The following GALNT13 variants were observed in gnomAD, a reference collection of about 807,000 sequenced individuals.
GALNT13 encodes the protein UDP-GalNAc:polypeptide N-acetylgalactosaminyltransferase 13.
GALNT13 carries 28 observed loss-of-function variants against 64.2 expected under a neutral mutation model. The observed-to-expected ratio is 0.44, with a 90% CI of 0.32 to 0.60. The LOEUF is 0.60. Among genes scored for constraint, GALNT13 ranks in the 20% least tolerant of loss-of-function variants. GALNT13 has a pLI of 0.05. For missense variants in GALNT13, 577 were observed against 669.8 expected, an observed-to-expected ratio of 0.86 and a Z score of 1.53; for synonymous variants, 214 against 224.6, an observed-to-expected ratio of 0.95 and a Z score of 0.42.
chr2:153,308,509 C>A, the GALNT13 span, among the ~76,000 whole-genome samples: 1 of 152,308 alleles, frequency 6.6e-6, no homozygotes, highest in South Asian at 2.1e-4. Context: ...AACACTATAA[C>A]AAGCTTCCTT....
At chr2:153,221,357 G>A in the GALNT13 span, among the ~76,000 whole-genome samples, 7 of 152,060 alleles carry the variant, frequency 4.6e-5, no homozygotes, top group Non-Finnish European at 1.0e-4. Flanking sequence ...AATCTATGTC[G>A]TCTAAACCAC....
intron 3 of GALNT13, among the ~76,000 whole-genome samples, chr2:154,061,662 C>G (rs551423322): frequency 3.8e-4 from 58 of 152,258 alleles, no homozygotes; most frequent in African/African-American, 1.3e-3. Context: ...ACCATATCAA[C>G]ATTTCTAGCG....
At chr2:154,315,755 T>C (rs1004154359) in intron 9 of GALNT13, among the ~76,000 whole-genome samples, 1 of 152,280 alleles carries the variant, frequency 6.6e-6, no homozygotes, top group Middle Eastern at 3.4e-3. Context: ...GAAAGACTTA[T>C]TGTTGGTTAC....
intron 3 of GALNT13, among the ~76,000 whole-genome samples, chr2:153,966,872 T>C (rs1298544924): frequency 1.3e-5 from 2 of 152,278 alleles, no homozygotes; most frequent in Non-Finnish European, 2.9e-5. Context: ...TCTTAGATTA[T>C]CCCTTTTGAG....
chr2:153,506,819 G>C, the GALNT13 span, among the ~76,000 whole-genome samples: 19 of 152,126 alleles, frequency 1.2e-4, no homozygotes, highest in Non-Finnish European at 2.1e-4. Context: ...TATGTGCCTA[G>C]GCAATGAACT....
At chr2:153,398,169 G>A in the GALNT13 span, among the ~76,000 whole-genome samples, 34,471 of 149,140 alleles carry the variant, frequency 0.23, 4,522 homozygotes, top group African/African-American at 0.37. Flanking sequence ...GAGAATATAC[G>A]GTGTCTGGTT....
the GALNT13 span, among the ~76,000 whole-genome samples, chr2:153,617,134 T>C: frequency 1.3e-5 from 2 of 152,014 alleles, no homozygotes; most frequent in Non-Finnish European, 2.9e-5. Context: ...GACAACGTTG[T>C]CATGTTCCAG....
At chr2:154,154,934 TTGTGTGTG>T (rs60456139) in intron 4 of GALNT13, among the ~76,000 whole-genome samples, 30,754 of 149,340 alleles carry the variant, frequency 0.21, 3,623 homozygotes, top group Middle Eastern at 0.3. Flanking sequence ...TTGTTTATGT[TTGTGTGTG>T]TGTGTGTGTG....
At chr2:153,566,461 TCTC>T in the GALNT13 span, among the ~76,000 whole-genome samples, 1 of 149,346 alleles carries the variant, frequency 6.7e-6, no homozygotes, top group African/African-American at 2.5e-5. Flanking sequence ...TTCATGCCAT[TCTC>T]CTGCCTCAGC....
chr2:154,404,568 A>G (rs867133625), intron 10 of GALNT13, among the ~76,000 whole-genome samples: 3 of 152,180 alleles, frequency 2.0e-5, no homozygotes, highest in Non-Finnish European at 2.9e-5. Context: ...GATACTCATG[A>G]GAAATTGTTT....
chr2:154,426,759 A>G (rs1457857281), intron 11 of GALNT13, among the ~76,000 whole-genome samples: 1 of 152,224 alleles, frequency 6.6e-6, no homozygotes. Flanking sequence ...AGATTTAACA[A>G]TGAAGTAGAA....
chr2:153,729,979 T>C, the GALNT13 span, among the ~76,000 whole-genome samples: 1 of 151,830 alleles, frequency 6.6e-6, no homozygotes, highest in Non-Finnish European at 1.5e-5. Flanking sequence ...GTTCGTGGAA[T>C]GGGAGAATCA....
rs115871664 is a variant in GALNT13, at chr2:154,105,869, T to C, written c.143-34468T>C. On this transcript the variant is annotated intron_variant, in intron 3 of 12. Transcript: ENST00000392825. ...TTTCAATTAATTTAAATTAAAATAGTTGTCTCTGACTAGTACCTACCGTAG... is the reference window on the plus strand; with the variant it reads ...TTTCAATTAATTTAAATTAAAATAGCTGTCTCTGACTAGTACCTACCGTAG... Among the ~76,000 whole-genome samples, 920 of 152,276 alleles carry C rather than the reference T, an allele frequency of 6.0e-3. 9 individuals are homozygous for C. Among genetic ancestry groups the C allele is most frequent in the African/African-American group, 0.021 (888 of 41,560 alleles).
the GALNT13 span, among the ~76,000 whole-genome samples, chr2:153,455,429 C>A: frequency 6.6e-6 from 1 of 152,182 alleles, no homozygotes; most frequent in South Asian, 2.1e-4. Context: ...AGCACATGAG[C>A]GAATGAGTGC....
the GALNT13 span, among the ~76,000 whole-genome samples, chr2:153,270,824 C>CT: frequency 6.6e-6 from 1 of 152,054 alleles, no homozygotes. Context: ...TGCACTCAGC[C>CT]TAGGTGACAG....
chr2:153,970,111 GA>G (rs1284615943), intron 3 of GALNT13, among the ~76,000 whole-genome samples: 1 of 152,184 alleles, frequency 6.6e-6, no homozygotes, highest in Non-Finnish European at 1.5e-5. Context: ...GAGAAGTTCA[GA>G]CAGAATCATC....
At chr2:153,569,861 A>G in the GALNT13 span, among the ~76,000 whole-genome samples, 3 of 151,894 alleles carry the variant, frequency 2.0e-5, no homozygotes, top group Non-Finnish European at 4.4e-5. Flanking sequence ...CCCAGCCTGC[A>G]CTCTCTACGT....
chr2:154,340,495 TAATAA>T (rs570458437), intron 9 of GALNT13, among the ~76,000 whole-genome samples: 54 of 152,282 alleles, frequency 3.5e-4, no homozygotes, highest in African/African-American at 1.0e-3. Flanking sequence ...GACTTCAATT[TAATAA>T]AATGTTTTTT....
At chr2:153,936,338 A>C (rs945096916) in intron 2 of GALNT13, among the ~76,000 whole-genome samples, 1 of 152,176 alleles carries the variant, frequency 6.6e-6, no homozygotes, top group African/African-American at 2.4e-5. Flanking sequence ...TATATAATGG[A>C]CTTGAGCTTT....
Sources: gnomAD v4.1 joint callset for allele counts (sites outside exome capture counted in the v4.1 genomes callset) on GRCh38, gnomAD v4.1.1 for gene constraint, MANE v1.5 for transcripts, NCBI Gene and HGNC (gene_info 2026-07-23, HGNC 2026-07-21) for gene names.